CFAP43: variants seen among roughly 807,000 people sequenced by gnomAD.
The protein encoded by CFAP43 is cilia and flagella associated protein 43, also known as cilia- and flagella-associated protein 43.
CFAP43 carries 155 observed loss-of-function variants against 218.9 expected under a neutral mutation model. That is an observed-to-expected ratio of 0.71 (90% CI 0.62 to 0.81). The LOEUF is 0.81. Among genes scored for constraint, CFAP43 ranks in the 30% least tolerant of loss-of-function variants. CFAP43 has a pLI of 0.00. For missense variants in CFAP43, 1,778 were observed against 1,954.3 expected (o/e 0.91, Z 1.70); for synonymous variants, 645 against 681.3 (o/e 0.95, Z 0.83).
Position 104,188,424 on chromosome 10 carries a change from G to C in CFAP43, c.1547-14C>G. 6.2e-7 allele frequency: 1 copy of C among 1,612,398 alleles called. No individual in the cohort carries two copies. Among genetic ancestry groups the C allele is most frequent in the Non-Finnish European group, 8.5e-7 (1 of 1,179,332 alleles). Reference sequence around the variant, plus strand: ...CTTTGGCCACCTCTGAAAGCAAACAGAGATCAACACCACAAGTGGTCATTG... The same window carrying C: ...CTTTGGCCACCTCTGAAAGCAAACACAGATCAACACCACAAGTGGTCATTG... On this transcript the variant is annotated splice_polypyrimidine_tract_variant and intron_variant, in intron 12 of 37. Transcript: ENST00000357060.
chr10:104,207,890 A>G, intron 5 of CFAP43, 66 bp from the exon 6 acceptor site: 2 of 1,502,286 alleles, frequency 1.3e-6, no homozygotes, highest in Non-Finnish European at 1.8e-6. Flanking sequence ...AGAAATACTC[A>G]CCAGAACAAC....
rs1185871681 is a variant in CFAP43 at position 104,205,982 on chromosome 10, C to A, written c.944G>T (p.Gly315Val). ...CATTACAATTCCAGAAGCCAGCACG[C>A]CCTCCTTCTGATATACCAAGGTTAC... The part of the protein sequence containing the change: ...SPVTLVYQKE[G>V]VLASGIDGFV... The change falls in exon 7 of 38, where the codon GGC becomes GTC. Residue 315 changes from glycine to valine, a missense_variant. By Grantham distance (109) the Gly-to-Val change is moderately radical. Coordinates refer to ENST00000357060, the MANE Select transcript of CFAP43 (RefSeq NM_025145.7). The A allele has an allele frequency of 3.7e-6, 6 of 1,608,552 alleles. No individual in the cohort carries two copies. The highest frequency in any genetic ancestry group is 2.2e-5 in the South Asian group (2 of 89,240).
At chr10:104,164,388 T>A in intron 23 of CFAP43, 88 bp from the exon 24 acceptor site, 31 of 1,058,264 alleles carry the variant, frequency 2.9e-5, no homozygotes, top group Non-Finnish European at 3.9e-5. Context: ...CCCTCTAAAA[T>A]CATTCCACAA....
intron 37 of CFAP43, 90 bp from the exon 38 acceptor site, chr10:104,130,395 G>A (rs1407053296): frequency 6.8e-7 from 1 of 1,460,468 alleles, no homozygotes; most frequent in East Asian, 2.3e-5. Flanking sequence ...TGGAAGAAAT[G>A]CTGGTAGCAA....
chr10:104,168,554 C>T (rs1441686982), intron 21 of CFAP43, among the ~76,000 whole-genome samples, 190 bp downstream of exon 21: 8 of 152,146 alleles, frequency 5.3e-5, no homozygotes, highest in African/African-American at 1.4e-4. Context: ...GGGAAGCACA[C>T]GGGGACTGAG....
intron 17 of CFAP43, among the ~76,000 whole-genome samples, chr10:104,180,368 C>T (rs1275026084): frequency 6.6e-6 from 1 of 151,870 alleles, no homozygotes; most frequent in Non-Finnish European, 1.5e-5. Context: ...AGCATCCAAA[C>T]ATGCTCTACT....
intron 34 of CFAP43, among the ~76,000 whole-genome samples, chr10:104,136,485 C>T (rs560357840): frequency 6.6e-6 from 1 of 151,872 alleles, no homozygotes; most frequent in Non-Finnish European, 1.5e-5. Context: ...AGTCTCCTGC[C>T]TCAGCCTCCT....
chr10:104,223,361 T>C (rs188401529), intron 3 of CFAP43, among the ~76,000 whole-genome samples: 1 of 152,334 alleles, frequency 6.6e-6, no homozygotes, highest in East Asian at 1.9e-4. Context: ...CTGACTTAAA[T>C]AAACATAATG....
intron 3 of CFAP43, 83 bp downstream of exon 3, chr10:104,225,378 G>T: frequency 1.9e-6 from 2 of 1,075,148 alleles, no homozygotes; most frequent in Non-Finnish European, 1.3e-6. Flanking sequence ...GATTTTTCAT[G>T]TCTATTTCCT....
intron 3 of CFAP43, among the ~76,000 whole-genome samples, chr10:104,220,669 C>A (rs1162045266): frequency 1.3e-5 from 2 of 152,124 alleles, no homozygotes; most frequent in Admixed American, 6.5e-5. Context: ...CCTCCTCGAA[C>A]AAAAACCAGA....
In CFAP43 at chr10:104,175,060, A is replaced by AAAACAAACAAAC. The variant is rs143922332; in HGVS notation, c.2461-2537_2461-2526dup. On this transcript the variant is annotated intron_variant, in intron 19 of 37. Coordinates refer to ENST00000357060, the MANE Select transcript of CFAP43 (RefSeq NM_025145.7). ...ACAGAGCGAGAGCGAGACTCCATCT[A>AAAACAAACAAAC]AAACAAACAAACAAACAAACAAACA... 1.3e-4 allele frequency among the ~76,000 whole-genome samples: 20 copies of AAAACAAACAAAC among 148,652 alleles called. No homozygotes were observed. The East Asian group carries it at 3.7e-3, about 27-fold the overall frequency.
intron 9 of CFAP43, 25 bp downstream of exon 9, chr10:104,197,897 T>C: frequency 6.9e-7 from 1 of 1,451,454 alleles, no homozygotes; most frequent in Non-Finnish European, 9.7e-7. Flanking sequence ...TTAGTCCTAC[T>C]GTGACACAGT....
intron 16 of CFAP43, among the ~76,000 whole-genome samples, chr10:104,184,759 C>T (rs1589729107): frequency 6.6e-6 from 1 of 152,232 alleles, no homozygotes; most frequent in East Asian, 1.9e-4. Context: ...CTGCCCAATC[C>T]TCCCTGTGAA....
intron 28 of CFAP43, among the ~76,000 whole-genome samples, chr10:104,151,169 T>C (rs1364361016): frequency 6.6e-6 from 1 of 152,238 alleles, no homozygotes; most frequent in Non-Finnish European, 1.5e-5. Context: ...GTTGATTCCA[T>C]GTCTTTGCTA....
intron 5 of CFAP43, 55 bp from the exon 6 acceptor site, chr10:104,207,879 G>A: frequency 6.5e-7 from 1 of 1,543,784 alleles, no homozygotes. Flanking sequence ...CTAAAAGCCT[G>A]AGAAATACTC....
intron 29 of CFAP43, 95 bp downstream of exon 29, chr10:104,147,792 CAAGG>C (rs1455948042): frequency 4.2e-4 from 296 of 709,698 alleles, no homozygotes; most frequent in South Asian, 7.5e-4. Context: ...AGGAATGGTG[CAAGG>C]AAGGAAGGAA....
At position 104,143,637 on chromosome 10, in the gene CFAP43, A is replaced by T; in HGVS notation, c.3947T>A (p.Ile1316Asn). 6.2e-7 allele frequency: 1 copy of T among 1,613,984 alleles called. No individual in the cohort carries two copies. Among genetic ancestry groups the T allele is most frequent in the African/African-American group, 1.3e-5 (1 of 75,044 alleles). Residue 1316 changes from isoleucine to asparagine, a missense_variant and splice_region_variant, in exon 32 of 38, where the codon ATT becomes AAT. Ile to Asn is a moderately radical substitution (Grantham distance 149). Transcript: ENST00000357060. ...LYKLFKRRPR[I>N]SKQKTHSETT... ...TTCTGAGTGCGTTTTCTGTTTGGAA[A>T]TCCTGGTATTACCAAGAAAAGCCCA...
rs769858514 is a variant in CFAP43, at chr10:104,218,836, C to A, written c.417-4410G>T. On this transcript the variant is annotated intron_variant, in intron 3 of 37. Transcript: ENST00000357060. ...TGTTGCCCTCATCTCTACTATTTAA[C>A]CCATTATAGACCAGAGATGAGAGAA... 5.6e-6 allele frequency: 3 copies of A among 538,954 alleles called. No individual in the cohort carries two copies. In the Admixed American group the frequency reaches 5.9e-5, roughly 11 times the overall value. The allele number at this position is 538,954 out of a possible 1,614,324, so 33.4% of individuals were successfully genotyped here.
rs2090732460 is a variant in CFAP43 at position 104,207,602 on chromosome 10, G to C, written c.895+63C>G. The C allele has an allele frequency of 6.0e-6, 9 of 1,501,236 alleles. No homozygotes were observed. In the East Asian group the frequency reaches 2.1e-4, roughly 35 times the overall value. 93.0% of individuals were successfully genotyped at this position (1,501,236 alleles called of 1,614,324 possible). On this transcript the variant is annotated intron_variant, in intron 6 of 37. Coordinates refer to ENST00000357060, the MANE Select transcript of CFAP43 (RefSeq NM_025145.7). ...GATGTCTCCAAGAAAGAGAAAAATA[G>C]GGAAAACCAAAAAAACCAACACCCA...
Sources: allele counts gnomAD v4.1 joint callset (sites outside exome capture counted in the v4.1 genomes callset), GRCh38; gene constraint gnomAD v4.1.1; transcripts MANE v1.5; gene names NCBI Gene and HGNC (gene_info 2026-07-23, HGNC 2026-07-21).